Variants in NPAS3 observed in about 807,000 individuals in gnomAD.
NPAS3 encodes neuronal PAS domain protein 3.
Under a neutral mutation model 73.1 loss-of-function variants are expected in NPAS3, and 14 were observed. That is an observed-to-expected ratio of 0.19 (90% CI 0.13 to 0.30). The LOEUF (loss-of-function observed/expected upper bound fraction) is 0.30. Among genes scored for constraint, NPAS3 ranks in the 10% least tolerant of loss-of-function variants. The probability of loss-of-function intolerance (pLI) is 1.00; values close to 1 mark genes in which losing one functional copy is unlikely to be tolerated. For missense variants in NPAS3, 1,096 were observed against 1,250.0 expected, an observed-to-expected ratio of 0.88 and a Z score of 1.86; for synonymous variants, 620 against 541.5, an observed-to-expected ratio of 1.14 and a Z score of -2.01.
chr14:33,211,988 T>A (rs2047056799), intron 2 of NPAS3, among the ~76,000 whole-genome samples: 1 of 152,220 alleles, frequency 6.6e-6, no homozygotes, highest in Non-Finnish European at 1.5e-5. Flanking sequence ...ACAACTAATC[T>A]ATTCTATCTT....
At position 33,328,881 on chromosome 14, in the gene NPAS3, A is replaced by T. The variant is rs1025283902; in HGVS notation, c.386-38305A>T. On this transcript the variant is annotated intron_variant, in intron 3 of 11. Coordinates refer to ENST00000356141, the Ensembl canonical transcript of NPAS3. ...TTTATGGCTTTAGTGGTGTCCCACAAATTTTAACATAGAGTTTTTCCAACG... is the reference window on the plus strand; with the variant it reads ...TTTATGGCTTTAGTGGTGTCCCACATATTTTAACATAGAGTTTTTCCAACG... Among the ~76,000 whole-genome samples, 11 of 152,302 alleles carry T rather than the reference A, an allele frequency of 7.2e-5. No individual in the cohort carries two copies. In the East Asian group the frequency reaches 1.9e-3, roughly 27 times the overall value.
At position 33,533,669 on chromosome 14, in the gene NPAS3, A is replaced by C. The variant is rs17101476; in HGVS notation, c.469-26452A>C. On this transcript the variant is annotated intron_variant, in intron 4 of 11. Coordinates refer to ENST00000356141, the Ensembl canonical transcript of NPAS3. Reference sequence around the variant, plus strand: ...TGTGGCATTGCTTCTAATTGCCTCAAATTTTGAAACCATGCTCCATAGAGG... The same window carrying C: ...TGTGGCATTGCTTCTAATTGCCTCACATTTTGAAACCATGCTCCATAGAGG... Among the ~76,000 whole-genome samples, 1,033 of 152,278 alleles carry C rather than the reference A, an allele frequency of 6.8e-3. 7 individuals are homozygous for C. The highest frequency in any genetic ancestry group is 0.023 in the African/African-American group (951 of 41,574).
chr14:33,198,707 G>A (rs1594371555), intron 2 of NPAS3, among the ~76,000 whole-genome samples: 3 of 152,346 alleles, frequency 2.0e-5, no homozygotes, highest in African/African-American at 7.2e-5. Flanking sequence ...GTCCGGGGGC[G>A]GAGCTGCCCG....
intron 5 of NPAS3, among the ~76,000 whole-genome samples, chr14:33,633,549 GC>G (rs2058435982): frequency 6.6e-6 from 1 of 152,174 alleles, no homozygotes; most frequent in Non-Finnish European, 1.5e-5. Flanking sequence ...AACCTGTACA[GC>G]ATGTTACTGT....
chr14:33,692,257 G>A (rs1408699822), intron 6 of NPAS3, among the ~76,000 whole-genome samples: 1 of 152,140 alleles, frequency 6.6e-6, no homozygotes, highest in African/African-American at 2.4e-5. Context: ...CTGTTCTGCA[G>A]CATGTTAACC....
Position 33,357,451 on chromosome 14 carries a change from A to C in NPAS3, c.386-9735A>C, listed in dbSNP as rs563464961. 3.9e-5 allele frequency among the ~76,000 whole-genome samples: 6 copies of C among 152,324 alleles called. No individual in the cohort carries two copies. In the South Asian group the frequency reaches 1.2e-3, roughly 32 times the overall value. Reference sequence around the variant, plus strand: ...GGCTCGCAGGGTTTGTGGTGACACTATAGATTTGATAGCACACTGTAGGAA... The same window carrying C: ...GGCTCGCAGGGTTTGTGGTGACACTCTAGATTTGATAGCACACTGTAGGAA... On this transcript the variant is annotated intron_variant, in intron 3 of 11. Coordinates refer to ENST00000356141, the Ensembl canonical transcript of NPAS3.
chr14:33,746,199 A>ATTTCTTTT (rs571026434), intron 7 of NPAS3, among the ~76,000 whole-genome samples: 1 of 148,934 alleles, frequency 6.7e-6, no homozygotes, highest in African/African-American at 2.5e-5. Context: ...TTATTTATTT[A>ATTTCTTTT]TTTTTTTGAG....
chr14:33,046,905 C>T (rs1348909657), intron 1 of NPAS3, among the ~76,000 whole-genome samples: 7 of 151,996 alleles, frequency 4.6e-5, no homozygotes, highest in African/African-American at 7.3e-5. Flanking sequence ...ACCTGGGAGG[C>T]GGAGGTTGCA....
At chr14:33,660,948 C>T (rs139511070) in intron 5 of NPAS3, among the ~76,000 whole-genome samples, 19 of 152,186 alleles carry the variant, frequency 1.2e-4, no homozygotes, top group African/African-American at 4.3e-4. Flanking sequence ...GTTTCCCCCA[C>T]CTTTTTAGCT....
chr14:33,005,816 C>G (rs946061639), intron 1 of NPAS3, among the ~76,000 whole-genome samples: 2 of 152,132 alleles, frequency 1.3e-5, no homozygotes, highest in Non-Finnish European at 2.9e-5. Flanking sequence ...AGTCTTCAAT[C>G]TCACTTTAGA....
chr14:33,201,080 T>C (rs917775282), intron 2 of NPAS3, among the ~76,000 whole-genome samples: 1 of 152,262 alleles, frequency 6.6e-6, no homozygotes, highest in East Asian at 1.9e-4. Flanking sequence ...CTAATGCAAA[T>C]GAATGATTCT....
chr14:33,008,896 C>G (rs1181201929), intron 1 of NPAS3, among the ~76,000 whole-genome samples: 1 of 152,096 alleles, frequency 6.6e-6, no homozygotes, highest in Non-Finnish European at 1.5e-5. Context: ...GGAATTTATA[C>G]CTGTGCTTGT....
intron 2 of NPAS3, among the ~76,000 whole-genome samples, chr14:33,115,393 C>T (rs10148158): frequency 0.31 from 46,885 of 152,004 alleles, 7,760 homozygotes; most frequent in African/African-American, 0.43. Context: ...TGTACCCAGT[C>T]GTGCTTTTGC....
chr14:33,545,502 A>T (rs1033079951), intron 4 of NPAS3, among the ~76,000 whole-genome samples: 2 of 152,204 alleles, frequency 1.3e-5, no homozygotes, highest in Non-Finnish European at 2.9e-5. Context: ...CCTATGAGAA[A>T]ACAGTGAAGT....
At chr14:33,386,716 G>T (rs779037896) in intron 4 of NPAS3, among the ~76,000 whole-genome samples, 5 of 152,028 alleles carry the variant, frequency 3.3e-5, no homozygotes, top group Non-Finnish European at 5.9e-5. Flanking sequence ...CATTATAATA[G>T]ATTTCTATTA....
At chr14:33,311,217 C>G (rs933330852) in intron 3 of NPAS3, among the ~76,000 whole-genome samples, 1 of 152,002 alleles carries the variant, frequency 6.6e-6, no homozygotes, top group Non-Finnish European at 1.5e-5. Context: ...GCAAAGTGCT[C>G]TCAGTATTTC....
intron 2 of NPAS3, among the ~76,000 whole-genome samples, chr14:33,129,523 A>C (rs994902483): frequency 1.3e-5 from 2 of 152,158 alleles, no homozygotes; most frequent in African/African-American, 4.8e-5. Context: ...CGTGCTATTA[A>C]GTTTATGTGC....
intron 7 of NPAS3, among the ~76,000 whole-genome samples, chr14:33,736,729 C>T (rs953629584): frequency 4.6e-5 from 7 of 152,108 alleles, no homozygotes; most frequent in African/African-American, 1.4e-4. Context: ...TTCTGTCTCT[C>T]GGCATTCTTT....
chr14:33,431,843 C>T (rs1383390337), intron 4 of NPAS3, among the ~76,000 whole-genome samples: 12 of 151,406 alleles, frequency 7.9e-5, no homozygotes, highest in Non-Finnish European at 1.5e-5. Context: ...CTATTACTTA[C>T]TCTATTAAAA....
Sources: gnomAD v4.1 joint callset for allele counts (sites outside exome capture counted in the v4.1 genomes callset) on GRCh38, gnomAD v4.1.1 for gene constraint, MANE v1.5 for transcripts, NCBI Gene and HGNC (gene_info 2026-07-23, HGNC 2026-07-21) for gene names.